Variants in SLC35E1 observed in about 807,000 individuals in gnomAD.
SLC35E1 encodes solute carrier family 35, member E1.
In SLC35E1, 12 loss-of-function variants were observed where a neutral mutation model predicts 31.0. The observed-to-expected ratio is 0.39, with a 90% CI of 0.25 to 0.63. The LOEUF is 0.63. Among genes scored for constraint, SLC35E1 ranks in the 20% least tolerant of loss-of-function variants. SLC35E1 has a pLI of 0.52. For missense variants in SLC35E1, 429 were observed against 572.2 expected, an observed-to-expected ratio of 0.75 and a Z score of 2.55; for synonymous variants, 257 against 264.1, an observed-to-expected ratio of 0.97 and a Z score of 0.26.
intron 4 of SLC35E1, among the ~76,000 whole-genome samples, chr19:16,557,731 C>T (rs2085882107): frequency 6.6e-6 from 1 of 152,206 alleles, no homozygotes; most frequent in African/African-American, 2.4e-5. Context: ...TGCCATTCAT[C>T]CATGTTGTGA....
Position 16,553,551 on chromosome 19 carries a change from G to T in SLC35E1, c.*128C>A. On this transcript the variant is annotated 3_prime_UTR_variant, in exon 6 of 6. Transcript: ENST00000595753. ...CTCACGGGGGGCCAGGAACCCCAGG[G>T]CTTCTGATGGAGAGTTATGCACCGT... The T allele has an allele frequency of 1.1e-6, 1 of 871,042 alleles. No homozygotes were observed. The highest frequency in any genetic ancestry group is 1.6e-6 in the Non-Finnish European group (1 of 612,382). 54.0% of individuals were successfully genotyped at this position (871,042 alleles called of 1,614,324 possible). A position where few individuals can be genotyped will look rare whatever the true frequency, so the allele number is the denominator to read the frequency against.
chr19:16,564,591 C>G (rs2085922690), intron 4 of SLC35E1, among the ~76,000 whole-genome samples: 2 of 152,110 alleles, frequency 1.3e-5, no homozygotes, highest in South Asian at 4.2e-4. Context: ...CAGGCTGGAG[C>G]CACTGCGCCT....
rs117614705 is a variant in SLC35E1 at position 16,553,992 on chromosome 19, C to T, written c.1003-83G>A. On this transcript the variant is annotated intron_variant, in intron 5 of 5. Transcript: ENST00000595753. ...TCAAAGTCAATCAACTGGCTGGCTG[C>T]GGTGGCTCACACCTGTAATCCCAGC... is the stretch of plus-strand genomic sequence containing the variant. 9.7e-3 allele frequency: 12,040 copies of T among 1,242,282 alleles called. 254 individuals carry two copies. The highest frequency in any genetic ancestry group is 0.07 in the South Asian group (4,405 of 63,226). 77.0% of individuals were successfully genotyped at this position (1,242,282 alleles called of 1,614,324 possible).
Position 16,572,087 on chromosome 19 carries a change from G to T in SLC35E1, c.278C>A (p.Pro93His), listed in dbSNP as rs1250410859. 6.5e-7 allele frequency: 1 copy of T among 1,530,696 alleles called. No homozygotes were observed. Among genetic ancestry groups the T allele is most frequent in the Non-Finnish European group, 8.8e-7 (1 of 1,139,000 alleles). 94.8% of individuals were successfully genotyped at this position (1,530,696 alleles called of 1,614,324 possible). A position where few individuals can be genotyped will look rare whatever the true frequency, so the allele number is the denominator to read the frequency against. Residue 93 changes from proline (P) to histidine (H), a missense_variant, in exon 1 of 6, where the codon CCC (proline) becomes CAC (histidine). Coordinates refer to ENST00000595753, the MANE Select transcript of SLC35E1 (RefSeq NM_024881.5). The surrounding 1 kb of genome is among the most constrained non-coding windows in gnomAD (Gnocchi z 4.1). ...CGGGCCGGACGACGGATGCGGACTG[G>T]GTCCGGGGCCCGAGACGGGCGGCGC... The part of the protein sequence containing the change: ...PPAPPVSGPG[P>H]SPHPSSGPLL...
intron 4 of SLC35E1, among the ~76,000 whole-genome samples, chr19:16,558,874 G>A (rs1426322855): frequency 6.7e-6 from 1 of 149,814 alleles, no homozygotes; most frequent in African/African-American, 2.5e-5. Context: ...CGTTCAAGCA[G>A]TTCTCCTGCC....
intron 3 of SLC35E1, among the ~76,000 whole-genome samples, chr19:16,566,975 GA>G (rs1255195081): frequency 6.6e-6 from 1 of 152,196 alleles, no homozygotes; most frequent in East Asian, 1.9e-4. Flanking sequence ...AATACGACCA[GA>G]CAAACCATAT....
chr19:16,561,578 G>A (rs952560511), intron 4 of SLC35E1, among the ~76,000 whole-genome samples: 1 of 152,256 alleles, frequency 6.6e-6, no homozygotes, highest in East Asian at 1.9e-4. Context: ...AGGAATCCCC[G>A]CCTGTCTTTT....
intron 1 of SLC35E1, 68 bp from the exon 2 acceptor site, chr19:16,571,650 C>T: frequency 1.3e-6 from 2 of 1,553,876 alleles, no homozygotes; most frequent in African/African-American, 1.4e-5. Flanking sequence ...TCCACCTCCA[C>T]GGCGGGATGG....
intron 2 of SLC35E1, among the ~76,000 whole-genome samples, chr19:16,568,511 G>A (rs1403696801): frequency 1.3e-5 from 2 of 152,140 alleles, no homozygotes; most frequent in African/African-American, 4.8e-5. Context: ...TCCTCTATAA[G>A]GCTCCCCCAT....
chr19:16,558,206 G>A (rs998745128), intron 4 of SLC35E1, among the ~76,000 whole-genome samples: 10 of 152,022 alleles, frequency 6.6e-5, no homozygotes, highest in African/African-American at 2.2e-4. Context: ...ACCATGCCCA[G>A]CTAATTTTTG....
rs754052000 is a variant in SLC35E1 at position 16,553,835 on chromosome 19, C to A, written c.1077G>T (p.Glu359Asp). 3.1e-6 allele frequency: 5 copies of A among 1,613,990 alleles called. No individual in the cohort carries two copies. In the South Asian group the frequency reaches 4.4e-5, roughly 14 times the overall value. Residue 359 changes from glutamate (E) to aspartate (D), a missense_variant, in exon 6 of 6, where the codon GAG becomes GAT. Glu to Asp is a conservative substitution (Grantham distance 45, BLOSUM62 2). Coordinates refer to ENST00000595753, the MANE Select transcript of SLC35E1 (RefSeq NM_024881.5). The part of the protein sequence containing the change: ...PVTTADLSSK[E>D]RHRSPLEKPH... ...GCTTCTCCAGTGGGCTCCGGTGACG[C>A]TCCTTGCTGCTCAGGTCTGCTGTGG...
chr19:16,557,915 G>A (rs974798833), intron 4 of SLC35E1, among the ~76,000 whole-genome samples: 3 of 152,152 alleles, frequency 2.0e-5, no homozygotes, highest in South Asian at 4.1e-4. Context: ...CTGGGTTCAC[G>A]CCATTCTCCT....
At chr19:16,558,744 T>G (rs1225864021) in intron 4 of SLC35E1, among the ~76,000 whole-genome samples, 1 of 151,928 alleles carries the variant, frequency 6.6e-6, no homozygotes, top group East Asian at 1.9e-4. Context: ...GTTACCTCCA[T>G]TCCGCTTTTC....
At position 16,553,575 on chromosome 19, in the gene SLC35E1, G is replaced by A. The variant is rs112293309; in HGVS notation, c.*104C>T. The stretch of plus-strand genomic sequence containing the variant: ...GGCTTCTGATGGAGAGTTATGCACC[G>A]TCCCCTCGGCTGGGTTGTACATTCA... On this transcript the variant is annotated 3_prime_UTR_variant, in exon 6 of 6. Transcript: ENST00000595753. The A allele has an allele frequency of 3.5e-4, 381 of 1,102,040 alleles. 3 individuals carry two copies. The African/African-American group carries it at 3.7e-3, about 11-fold the overall frequency. 68.3% of individuals were successfully genotyped at this position (1,102,040 alleles called of 1,614,324 possible). A position where few individuals can be genotyped will look rare whatever the true frequency, so the allele number is the denominator to read the frequency against.
At chr19:16,556,901 TC>T in intron 4 of SLC35E1, 2 of 471,556 alleles carry the variant, frequency 4.2e-6, no homozygotes, top group South Asian at 3.1e-5. Context: ...AGACTGGAAC[TC>T]CCAAATGCAA....
Position 16,555,110 on chromosome 19 carries a change from G to A in SLC35E1, c.1002+42C>T. ...TCCTTTTCTGACTTCCTGGGTGTTG[G>A]GGGGCCGGCTTCCTTCCCTGCCCAG... is the stretch of plus-strand genomic sequence containing the variant. On this transcript the variant is annotated intron_variant, in intron 5 of 5. Coordinates refer to ENST00000595753, the MANE Select transcript of SLC35E1 (RefSeq NM_024881.5). This position sits in a 1 kb window ranked among gnomAD's most constrained non-coding sequence, Gnocchi z 4.1. 1 of 1,611,180 alleles carries A rather than the reference G, an allele frequency of 6.2e-7. No homozygotes were observed. Among genetic ancestry groups the A allele is most frequent in the South Asian group, 1.1e-5 (1 of 90,836 alleles).
At position 16,553,390 on chromosome 19, in the gene SLC35E1, C is replaced by T. The variant is rs1316897970; in HGVS notation, c.*289G>A. The T allele has an allele frequency of 3.6e-5, 9 of 250,902 alleles. No homozygotes were observed. The South Asian group carries it at 6.5e-4, about 18-fold the overall frequency. 15.5% of individuals were successfully genotyped at this position (250,902 alleles called of 1,614,324 possible). A position where few individuals can be genotyped will look rare whatever the true frequency, so the allele number is the denominator to read the frequency against. ...AATAATTCCACATGGAAAGGTACAA[C>T]GTGGCCAAGATCTCCGCAGGGACAC... On this transcript the variant is annotated 3_prime_UTR_variant, in exon 6 of 6. Coordinates refer to ENST00000595753, the MANE Select transcript of SLC35E1 (RefSeq NM_024881.5).
rs901348347 is a variant in SLC35E1 at position 16,555,915 on chromosome 19, C to G, written c.757-518G>C. 6.4e-6 allele frequency: 1 copy of G among 157,102 alleles called. No individual in the cohort carries two copies. Among genetic ancestry groups the G allele is most frequent in the African/African-American group, 2.4e-5 (1 of 41,448 alleles). 9.7% of individuals were successfully genotyped at this position (157,102 alleles called of 1,614,324 possible). On this transcript the variant is annotated intron_variant, in intron 4 of 5. Transcript: ENST00000595753. This position sits in a 1 kb window ranked among gnomAD's most constrained non-coding sequence, Gnocchi z 4.1. The stretch of plus-strand genomic sequence containing the variant: ...CAAGCCAAACAAACACAAGAGGTGA[C>G]GTTACCATCAACAGCTGAGGCCAGG...
In SLC35E1 at chr19:16,552,266, G is replaced by A. The variant is rs2122317544; in HGVS notation, c.*1413C>T. ...TTGTGACAATTTTGAAGCTTCTCTC[G>A]AAGCTTCGAAACACTTCATTTCCTA... On this transcript the variant is annotated 3_prime_UTR_variant, in exon 6 of 6. Transcript: ENST00000595753. 1 of 151,970 alleles carries A rather than the reference G, an allele frequency of 6.6e-6. No individual in the cohort carries two copies. Among genetic ancestry groups the A allele is most frequent in the African/African-American group, 2.4e-5 (1 of 41,456 alleles). The allele number at this position is 151,970 out of a possible 1,614,324, so 9.4% of individuals were successfully genotyped here. A position where few individuals can be genotyped will look rare whatever the true frequency, so the allele number is the denominator to read the frequency against.
Sources: gnomAD v4.1 joint callset for allele counts (sites outside exome capture counted in the v4.1 genomes callset) on GRCh38, gnomAD v4.1.1 for gene constraint, Gnocchi (gnomAD v3.1) non-coding constraint, MANE v1.5 for transcripts, NCBI Gene and HGNC (gene_info 2026-07-23, HGNC 2026-07-21) for gene names.